Variants in HNMT observed in about 807,000 individuals in gnomAD.
HNMT encodes the protein histamine N-methyltransferase.
HNMT carries 30 observed loss-of-function variants against 32.1 expected under a neutral mutation model. The observed-to-expected ratio is 0.93, with a 90% CI of 0.70 to 1.27. The LOEUF (loss-of-function observed/expected upper bound fraction) is 1.27, where lower values mean the gene tolerates loss of function less well. Ranked by LOEUF, HNMT falls within the 50% of genes most tolerant of loss-of-function variation. The pLI is 0.00. For synonymous variants in HNMT, 125 were observed against 119.0 expected (o/e 1.05, Z -0.33); for missense variants, 327 against 346.0 (o/e 0.95, Z 0.43).
intron 2 of HNMT, chr2:137,981,121 A>G: frequency 7.3e-7 from 1 of 1,373,878 alleles, no homozygotes; most frequent in Non-Finnish European, 9.7e-7. Context: ...CTGATAATAT[A>G]TATTTTGATA....
At chr2:137,978,301 T>C (rs1027748663) in intron 2 of HNMT, among the ~76,000 whole-genome samples, 6 of 147,638 alleles carry the variant, frequency 4.1e-5, no homozygotes, top group Non-Finnish European at 5.9e-5. Context: ...GTTATGTATG[T>C]ATATATTAAC....
intron 2 of HNMT, among the ~76,000 whole-genome samples, chr2:137,995,609 C>A (rs906037318): frequency 1.3e-5 from 2 of 152,198 alleles, no homozygotes; most frequent in African/African-American, 2.4e-5. Context: ...TGGTACCATT[C>A]CTTCAGATAC....
chr2:138,009,110 A>G (rs577573092), intron 5 of HNMT, among the ~76,000 whole-genome samples: 1 of 152,250 alleles, frequency 6.6e-6, no homozygotes, highest in Admixed American at 6.5e-5. Context: ...CAATTCTCAA[A>G]AGAAGACAGA....
rs142062462 is a variant in HNMT at position 137,964,751 on chromosome 2, C to G, written c.137+123C>G. ...GATAAGGGCGAATTACTGATAGCAGCTCCCCGTCGTCCCCTCCTCGCTGCC... is the reference window on the plus strand; with the variant it reads ...GATAAGGGCGAATTACTGATAGCAGGTCCCCGTCGTCCCCTCCTCGCTGCC... On this transcript the variant is annotated intron_variant, in intron 1 of 5. Transcript: ENST00000280097. The G allele has an allele frequency of 5.1e-5, 47 of 928,598 alleles. No homozygotes were observed. The East Asian group carries it at 1.1e-3, about 22-fold the overall frequency. 57.5% of individuals were successfully genotyped at this position (928,598 alleles called of 1,614,324 possible). A position where few individuals can be genotyped will look rare whatever the true frequency, so the allele number is the denominator to read the frequency against.
chr2:137,966,966 G>A, intron 1 of HNMT: 1 of 686,986 alleles, frequency 1.5e-6, no homozygotes, highest in Non-Finnish European at 2.6e-6. Context: ...TGAACGAGAG[G>A]TAAACTTTTT....
intron 4 of HNMT, among the ~76,000 whole-genome samples, chr2:138,004,889 G>C (rs1681284440): frequency 6.6e-6 from 1 of 152,092 alleles, no homozygotes; most frequent in South Asian, 2.1e-4. Context: ...AAGCCAGAAA[G>C]AGTAAATTTA....
chr2:137,995,097 A>G (rs1266851979), intron 2 of HNMT, among the ~76,000 whole-genome samples: 1 of 152,106 alleles, frequency 6.6e-6, no homozygotes, highest in Non-Finnish European at 1.5e-5. Flanking sequence ...TAACATCACA[A>G]TTAAAAGAGT....
chr2:138,014,114 T>C lies in HNMT; in HGVS notation c.863T>C (p.Ile288Thr), dbSNP rs113138471. Residue 288 changes from isoleucine (I) to threonine (T), a missense_variant, in exon 6 of 6, where the codon ATA (isoleucine) becomes ACA (threonine). By Grantham distance (89) the Ile-to-Thr change is moderately conservative. Transcript: ENST00000280097. ...KVLFNNTLSF[I>T]VIEA The stretch of plus-strand genomic sequence containing the variant: ...CTTTTTAATAATACTCTGAGTTTCA[T>C]AGTGATTGAGGCATAACTATCAATC... 124 of 1,574,634 alleles carry C rather than the reference T, an allele frequency of 7.9e-5. No individual in the cohort carries two copies. In the African/African-American group the frequency reaches 1.5e-3, roughly 19 times the overall value.
At chr2:138,011,366 T>C (rs1681498794) in intron 5 of HNMT, among the ~76,000 whole-genome samples, 1 of 152,132 alleles carries the variant, frequency 6.6e-6, no homozygotes, top group Admixed American at 6.6e-5. Flanking sequence ...CCTCATTTAT[T>C]TTCATTGAAC....
In HNMT at chr2:138,013,868, A is replaced by C. The variant is rs371086103; in HGVS notation, c.617A>C (p.Gln206Pro). ...CQYITSDDLT[Q>P]MLDNLGLKYE... Reference sequence around the variant, plus strand: ...TATATCACATCAGATGACCTCACTCAGATGCTGGACAACCTAGGGCTTAAG... The same window carrying C: ...TATATCACATCAGATGACCTCACTCCGATGCTGGACAACCTAGGGCTTAAG... The change falls in exon 6 of 6, where the codon CAG becomes CCG. Residue 206 changes from glutamine to proline, a missense_variant. By Grantham distance (76) the Gln-to-Pro change is moderately conservative. Coordinates refer to ENST00000280097, the MANE Select transcript of HNMT (RefSeq NM_006895.3). 6.2e-7 allele frequency: 1 copy of C among 1,613,628 alleles called. No individual in the cohort carries two copies. Among genetic ancestry groups the C allele is most frequent in the African/African-American group, 1.3e-5 (1 of 74,894 alleles).
At chr2:137,993,124 A>C (rs1423357877) in intron 2 of HNMT, among the ~76,000 whole-genome samples, 1 of 152,206 alleles carries the variant, frequency 6.6e-6, no homozygotes, top group African/African-American at 2.4e-5. Context: ...CTGAAAACCC[A>C]AAAGGTCAGA....
chr2:137,995,010 T>C (rs1301957600), intron 2 of HNMT, among the ~76,000 whole-genome samples: 2 of 152,038 alleles, frequency 1.3e-5, no homozygotes, highest in Non-Finnish European at 2.9e-5. Context: ...GGGACACAAC[T>C]AAAGCAGTGT....
At chr2:138,010,445 A>ACACG (rs1553435901) in intron 5 of HNMT, among the ~76,000 whole-genome samples, 2 of 116,764 alleles carry the variant, frequency 1.7e-5, no homozygotes, top group Non-Finnish European at 3.3e-5. Context: ...ACACACGCAC[A>ACACG]CACACACACA....
At chr2:137,977,179 G>C (rs1680311777) in intron 2 of HNMT, among the ~76,000 whole-genome samples, 1 of 152,134 alleles carries the variant, frequency 6.6e-6, no homozygotes, top group African/African-American at 2.4e-5. Flanking sequence ...TTTTGTTGTT[G>C]TTAACGTTTG....
intron 5 of HNMT, among the ~76,000 whole-genome samples, chr2:138,013,254 T>C (rs1321800346): frequency 6.6e-6 from 1 of 152,046 alleles, no homozygotes; most frequent in African/African-American, 2.4e-5. Context: ...AGCATTACAG[T>C]GGTTTCCCAT....
At chr2:137,996,675 A>G (rs1422809817) in intron 2 of HNMT, among the ~76,000 whole-genome samples, 1 of 152,246 alleles carries the variant, frequency 6.6e-6, no homozygotes, top group Non-Finnish European at 1.5e-5. Context: ...AAGTTATTTT[A>G]AATTTCATAT....
intron 2 of HNMT, among the ~76,000 whole-genome samples, chr2:137,971,797 T>C (rs557650120): frequency 1.3e-4 from 16 of 126,994 alleles, no homozygotes; most frequent in Admixed American, 1.2e-3. Flanking sequence ...TCCTGAACAG[T>C]GTTTGCCTTA....
Position 138,009,451 on chromosome 2 carries a change from A to G in HNMT, c.523+4226A>G, listed in dbSNP as rs532929265. Among the ~76,000 whole-genome samples the G allele has an allele frequency of 2.6e-5, 4 of 152,174 alleles. No individual in the cohort carries two copies. The East Asian group carries it at 7.7e-4, about 29-fold the overall frequency. On this transcript the variant is annotated intron_variant, in intron 5 of 5. Coordinates refer to ENST00000280097, the MANE Select transcript of HNMT (RefSeq NM_006895.3). ...ATCACCTAGATAAACCTGTGCACAC[A>G]TGAACTTGTCTTAACAACAACACAT...
chr2:137,969,852 A>G lies in HNMT; in HGVS notation c.138-313A>G, dbSNP rs188999046. On this transcript the variant is annotated intron_variant, in intron 1 of 5. Transcript: ENST00000280097. ...TTATCTACGATGAGTGGCTTATTAT[A>G]TGACTAGACTCAAAACTCCACTTTT... Among the ~76,000 whole-genome samples, 13 of 152,314 alleles carry G rather than the reference A, an allele frequency of 8.5e-5. No individual in the cohort carries two copies. The East Asian group carries it at 2.3e-3, about 27-fold the overall frequency.
Sources: allele counts gnomAD v4.1 joint callset (sites outside exome capture counted in the v4.1 genomes callset), GRCh38; gene constraint gnomAD v4.1.1; transcripts MANE v1.5; gene names NCBI Gene and HGNC (gene_info 2026-07-23, HGNC 2026-07-21).